The following GALNTL6 variants were observed in gnomAD, a reference collection of about 807,000 sequenced individuals.
The protein encoded by GALNTL6 is polypeptide N-acetylgalactosaminyltransferase like 6, also known as polypeptide N-acetylgalactosaminyltransferase-like 6.
Under a neutral mutation model 73.7 loss-of-function variants are expected in GALNTL6, and 46 were observed. That is an observed-to-expected ratio of 0.62 (90% CI 0.49 to 0.80). The LOEUF is 0.80. Among genes scored for constraint, GALNTL6 ranks in the 30% least tolerant of loss-of-function variants. The probability of loss-of-function intolerance (pLI) is 0.00; values close to 1 mark genes in which losing one functional copy is unlikely to be tolerated. For missense variants in GALNTL6, 604 were observed against 755.0 expected, an observed-to-expected ratio of 0.80 and a Z score of 2.34; for synonymous variants, 259 against 263.7, an observed-to-expected ratio of 0.98 and a Z score of 0.17.
At chr4:173,008,800 T>A (rs1752411081) in intron 10 of GALNTL6, among the ~76,000 whole-genome samples, 1 of 152,210 alleles carries the variant, frequency 6.6e-6, no homozygotes, top group Non-Finnish European at 1.5e-5. Flanking sequence ...AATATCTGCT[T>A]AAGCAATTCT....
At chr4:172,313,568 A>G (rs1740439439) in intron 4 of GALNTL6, among the ~76,000 whole-genome samples, 2 of 152,240 alleles carry the variant, frequency 1.3e-5, no homozygotes, top group Admixed American at 1.3e-4. Context: ...TGTGAACACC[A>G]TCTTTTAAGA....
At chr4:172,238,209 AT>A (rs1334829786) in intron 3 of GALNTL6, among the ~76,000 whole-genome samples, 1 of 152,148 alleles carries the variant, frequency 6.6e-6, no homozygotes. Context: ...CATTTTAACA[AT>A]ATTCTTTCTG....
chr4:171,946,917 G>A (rs1321325048), intron 2 of GALNTL6, among the ~76,000 whole-genome samples: 1 of 151,940 alleles, frequency 6.6e-6, no homozygotes, highest in Non-Finnish European at 1.5e-5. Context: ...TAAGTTCCGG[G>A]GGGTACAAAT....
intron 8 of GALNTL6, 75 bp from the exon 9 acceptor site, chr4:172,931,086 T>C (rs567669453): frequency 1.2e-6 from 1 of 829,150 alleles, no homozygotes; most frequent in African/African-American, 1.7e-5. Flanking sequence ...TTTAAGATGG[T>C]TTATGAGTCC....
intron 5 of GALNTL6, among the ~76,000 whole-genome samples, chr4:172,639,687 G>A (rs1247462825): frequency 4.6e-5 from 7 of 151,898 alleles, no homozygotes; most frequent in South Asian, 4.2e-4. Context: ...CTCAGCTGAT[G>A]TCCTTGTTTC....
chr4:172,357,072 A>G (rs1372910851), intron 5 of GALNTL6, among the ~76,000 whole-genome samples: 1 of 152,160 alleles, frequency 6.6e-6, no homozygotes, highest in Non-Finnish European at 1.5e-5. Context: ...AGGATTCATG[A>G]GAATCATAAT....
At chr4:172,200,654 A>G (rs1412007738) in intron 2 of GALNTL6, among the ~76,000 whole-genome samples, 1 of 152,214 alleles carries the variant, frequency 6.6e-6, no homozygotes, top group African/African-American at 2.4e-5. Context: ...TCTGAATACT[A>G]TATCTGAATA....
At chr4:172,904,574 CAGTGATGAGTCTGTTGGGGAGT>C (rs1476267454) in intron 8 of GALNTL6, among the ~76,000 whole-genome samples, 3 of 152,156 alleles carry the variant, frequency 2.0e-5, no homozygotes, top group African/African-American at 7.2e-5. Context: ...CTGTGTGCTT[CAGTGATGAGTCTGTTGGGGAGT>C]CAGTCTTAGA....
At chr4:172,747,837 C>A (rs1161340278) in intron 5 of GALNTL6, among the ~76,000 whole-genome samples, 184 of 131,518 alleles carry the variant, frequency 1.4e-3, no homozygotes, top group South Asian at 2.8e-3. Context: ...TATTCAGCTT[C>A]AAAAAAAAAA....
In GALNTL6 at chr4:172,132,716, T is replaced by G. The variant is rs147705598; in HGVS notation, c.139-96940T>G. ...TCTTTAGATGAATCATATTGGAACC[T>G]TTCAGTGTTTTTATGAATGCAGTGT... is the stretch of plus-strand genomic sequence containing the variant. On this transcript the variant is annotated intron_variant, in intron 2 of 12. Coordinates refer to ENST00000506823, the MANE Select transcript of GALNTL6 (RefSeq NM_001034845.3). Among the ~76,000 whole-genome samples the G allele has an allele frequency of 8.5e-3, 1,289 of 152,284 alleles. 9 individuals carry two copies. The highest frequency in any genetic ancestry group is 0.014 in the Non-Finnish European group (962 of 68,012).
intron 5 of GALNTL6, among the ~76,000 whole-genome samples, chr4:172,568,279 C>G (rs1736630285): frequency 6.6e-6 from 1 of 152,060 alleles, no homozygotes; most frequent in Non-Finnish European, 1.5e-5. Context: ...GGAATGCTTT[C>G]TGGAATAGAA....
chr4:172,330,114 G>A (rs574832203), intron 4 of GALNTL6, among the ~76,000 whole-genome samples: 15 of 152,322 alleles, frequency 9.8e-5, no homozygotes, highest in Middle Eastern at 3.4e-3. Context: ...GCTCAACCCC[G>A]AGGATTCATC....
intron 2 of GALNTL6, among the ~76,000 whole-genome samples, chr4:171,958,046 A>G (rs1182039748): frequency 3.3e-5 from 5 of 152,198 alleles, no homozygotes; most frequent in Non-Finnish European, 1.5e-5. Context: ...ATGGCCTCAC[A>G]TGTTAATCTA....
chr4:171,822,515 C>A (rs1579483737), intron 2 of GALNTL6, among the ~76,000 whole-genome samples: 1 of 152,112 alleles, frequency 6.6e-6, no homozygotes, highest in South Asian at 2.1e-4. Context: ...TTGCTTGGTA[C>A]ATGGTAAATA....
At position 171,946,527 on chromosome 4, in the gene GALNTL6, G is replaced by A. The variant is rs547109069; in HGVS notation, c.138+131809G>A. Among the ~76,000 whole-genome samples, 238 of 152,268 alleles carry A rather than the reference G, an allele frequency of 1.6e-3. 1 individual carries two copies. Among genetic ancestry groups the A allele is most frequent in the South Asian group, 8.3e-3 (40 of 4,828 alleles). On this transcript the variant is annotated intron_variant, in intron 2 of 12. Transcript: ENST00000506823. ...CTCTCTGTCTCTTGCTCTGAGCTGC[G>A]TATTGCACAGTAGGCATTCAGTAAG...
chr4:173,021,802 G>A (rs965253151), intron 12 of GALNTL6, among the ~76,000 whole-genome samples, 177 bp downstream of exon 12: 3 of 151,948 alleles, frequency 2.0e-5, no homozygotes, highest in African/African-American at 7.3e-5. Context: ...AGACCAGCCT[G>A]ACCAACATAG....
At chr4:172,064,856 A>G (rs757513917) in intron 2 of GALNTL6, among the ~76,000 whole-genome samples, 4 of 152,198 alleles carry the variant, frequency 2.6e-5, no homozygotes, top group African/African-American at 4.8e-5. Flanking sequence ...GATTGTGGCC[A>G]TGTGAAAAAA....
intron 2 of GALNTL6, among the ~76,000 whole-genome samples, chr4:171,853,508 TCTTTTC>T (rs1473223246): frequency 6.6e-6 from 1 of 151,438 alleles, no homozygotes; most frequent in East Asian, 1.9e-4. Flanking sequence ...TTTGTTTTCT[TCTTTTC>T]CTTTTCCTTT....
intron 2 of GALNTL6, among the ~76,000 whole-genome samples, chr4:172,002,689 A>T (rs992180065): frequency 6.6e-6 from 1 of 152,184 alleles, no homozygotes; most frequent in Non-Finnish European, 1.5e-5. Context: ...AGAAAAAGTG[A>T]TAACTACTTT....
Sources: allele counts gnomAD v4.1 joint callset (sites outside exome capture counted in the v4.1 genomes callset), GRCh38; gene constraint gnomAD v4.1.1; transcripts MANE v1.5; gene names NCBI Gene and HGNC (gene_info 2026-07-23, HGNC 2026-07-21).